Variants in TOX3 observed in about 807,000 individuals in gnomAD.
TOX3 encodes the protein CAG trinucleotide repeat-containing gene F9 protein.
TOX3 carries 22 observed loss-of-function variants against 64.3 expected under a neutral mutation model. The observed-to-expected ratio is 0.34, with a 90% CI of 0.24 to 0.49. The LOEUF is 0.49. TOX3 is among the 20% of genes least tolerant of loss of function. The pLI is 0.99. For synonymous variants in TOX3, 291 were observed against 273.6 expected (o/e 1.06, Z -0.63); for missense variants, 661 against 714.4 (o/e 0.93, Z 0.85).
intron 6 of TOX3, 107 bp downstream of exon 6, chr16:52,444,169 G>A (rs1960090030): frequency 2.6e-6 from 2 of 776,096 alleles, no homozygotes; most frequent in Admixed American, 6.1e-5. Flanking sequence ...TGTTCAAGAT[G>A]CCTTTCCATC....
At chr16:52,485,635 C>T (rs1410961090) in intron 1 of TOX3, among the ~76,000 whole-genome samples, 1 of 151,774 alleles carries the variant, frequency 6.6e-6, no homozygotes, top group Admixed American at 6.6e-5. Context: ...ACATGTACCC[C>T]CTGAATCTAA....
chr16:52,492,746 G>C (rs1267235046), intron 1 of TOX3, among the ~76,000 whole-genome samples: 1 of 150,244 alleles, frequency 6.7e-6, no homozygotes, highest in Non-Finnish European at 1.5e-5. Context: ...GGTGTTATCA[G>C]ATATGACAAG....
intron 1 of TOX3, among the ~76,000 whole-genome samples, chr16:52,523,177 AGAAT>A (rs1040586682): frequency 6.6e-6 from 1 of 152,202 alleles, no homozygotes; most frequent in Non-Finnish European, 1.5e-5. Flanking sequence ...AGACTTGAAG[AGAAT>A]GAACAATTGA....
chr16:52,468,724 G>C (rs1252171113), intron 1 of TOX3, 150 bp from the exon 2 acceptor site: 1 of 596,452 alleles, frequency 1.7e-6, no homozygotes, highest in Non-Finnish European at 3.0e-6. Context: ...TATACTGTCA[G>C]CTGGTTCCCT....
At chr16:52,504,659 T>A (rs1036859901) in intron 1 of TOX3, among the ~76,000 whole-genome samples, 1 of 151,796 alleles carries the variant, frequency 6.6e-6, no homozygotes, top group Non-Finnish European at 1.5e-5. Flanking sequence ...ATGGATGGGG[T>A]AACGGAGGCT....
intron 4 of TOX3, among the ~76,000 whole-genome samples, chr16:52,449,370 A>G (rs1205995747): frequency 6.6e-6 from 1 of 152,092 alleles, no homozygotes; most frequent in Non-Finnish European, 1.5e-5. Context: ...CTAGCCCCCA[A>G]CCAAAATGCT....
At chr16:52,526,303 G>A (rs1390273806) in intron 1 of TOX3, among the ~76,000 whole-genome samples, 4 of 152,178 alleles carry the variant, frequency 2.6e-5, no homozygotes, top group South Asian at 2.1e-4. Flanking sequence ...GAAGCCAGGA[G>A]ATGAGGGCAC....
At chr16:52,497,336 T>C (rs1444082531) in intron 1 of TOX3, among the ~76,000 whole-genome samples, 1 of 152,218 alleles carries the variant, frequency 6.6e-6, no homozygotes, top group Admixed American at 6.5e-5. Flanking sequence ...CATATATCAG[T>C]CTATTATATG....
intron 4 of TOX3, 22 bp downstream of exon 4, chr16:52,450,255 C>G: frequency 6.2e-7 from 1 of 1,613,742 alleles, no homozygotes. Flanking sequence ...GCAGGTTACA[C>G]ACTAAGGCAG....
intron 1 of TOX3, among the ~76,000 whole-genome samples, chr16:52,507,478 A>G (rs1962190011): frequency 1.3e-5 from 2 of 152,258 alleles, no homozygotes; most frequent in South Asian, 4.1e-4. Flanking sequence ...GACTTAAAGA[A>G]TATAAGTTCT....
chr16:52,471,219 G>A (rs1025093912), intron 1 of TOX3, among the ~76,000 whole-genome samples: 1 of 152,056 alleles, frequency 6.6e-6, no homozygotes, highest in Non-Finnish European at 1.5e-5. Flanking sequence ...ATTTTTATTT[G>A]GTAAATCTGG....
intron 1 of TOX3, among the ~76,000 whole-genome samples, chr16:52,546,171 G>T (rs534131729): frequency 5.3e-5 from 8 of 152,062 alleles, no homozygotes; most frequent in Non-Finnish European, 7.4e-5. Flanking sequence ...GTCCGTAAGC[G>T]GCCCCGAGGC....
rs2151494517 is a variant in TOX3 at position 52,546,688 on chromosome 16, G to A, written c.36C>T (p.Asp12=). 1.3e-6 allele frequency: 2 copies of A among 1,542,450 alleles called. No individual in the cohort carries two copies. The highest frequency in any genetic ancestry group is 2.2e-4 in the Middle Eastern group (1 of 4,500). ...ACTGCGCGAAGTCCAGGCTGGCAGG[G>A]TCCCCGGCCGCCGCGGGGTAGAACC... The part of the protein sequence containing the change: ...DVRFYPAAAG[D]PASLDFAQCL... The change falls in exon 1 of 7, where the codon GAC becomes GAT. Residue 12 remains aspartate, a synonymous_variant. Transcript: ENST00000219746.
Position 52,546,886 on chromosome 16 carries a change from C to G in TOX3, c.-163G>C. The G allele has an allele frequency of 1.7e-6, 2 of 1,159,274 alleles. No homozygotes were observed. The highest frequency in any genetic ancestry group is 2.1e-6 in the Non-Finnish European group (2 of 942,034). 71.8% of individuals were successfully genotyped at this position (1,159,274 alleles called of 1,614,324 possible). On this transcript the variant is annotated 5_prime_UTR_variant, in exon 1 of 7. Coordinates refer to ENST00000219746, the MANE Select transcript of TOX3 (RefSeq NM_001080430.4). ...CCCAGAGCCCGAGGAGCTCGGGAGC[C>G]GCGGCCGCCGCACACAAAGGCGCGG...
intron 1 of TOX3, among the ~76,000 whole-genome samples, chr16:52,497,176 G>A (rs904313009): frequency 1.3e-5 from 2 of 152,072 alleles, no homozygotes; most frequent in East Asian, 1.9e-4. Context: ...GCAATACTTC[G>A]GGATCCTCAC....
chr16:52,528,104 C>T (rs917801191), intron 1 of TOX3, among the ~76,000 whole-genome samples: 6 of 152,142 alleles, frequency 3.9e-5, no homozygotes, highest in African/African-American at 7.2e-5. Context: ...CCAGATAGTT[C>T]TGTTAAAATA....
chr16:52,475,110 C>G (rs539267948), intron 1 of TOX3, among the ~76,000 whole-genome samples: 36 of 152,276 alleles, frequency 2.4e-4, no homozygotes, highest in Non-Finnish European at 4.9e-4. Flanking sequence ...ACTCTCTATC[C>G]CTCTTCCCCA....
Position 52,468,517 on chromosome 16 carries a change from C to A in TOX3, c.145G>T (p.Ala49Ser), listed in dbSNP as rs1256877578. The A allele has an allele frequency of 2.5e-6, 4 of 1,612,804 alleles. No individual in the cohort carries two copies. Among genetic ancestry groups the A allele is most frequent in the Non-Finnish European group, 3.4e-6 (4 of 1,179,176 alleles). Residue 49 changes from alanine to serine, a missense_variant, in exon 2 of 7, where the codon GCC (alanine) becomes TCC (serine). By Grantham distance (99) the Ala-to-Ser change is moderately conservative. Around this residue, in one of 3 missense-constraint regions of TOX3, gnomAD observed 259 missense variants for 261.2 expected, o/e 0.99. Coordinates refer to ENST00000219746, the MANE Select transcript of TOX3 (RefSeq NM_001080430.4). ...MAEANNAFFA[A>S]SEQTFHTPSL... ...TTAAGACAGTCACCTACCTCACTGG[C>A]AGCGAAGAACGCATTGTTCGCCTCA...
intron 4 of TOX3, among the ~76,000 whole-genome samples, chr16:52,447,193 T>G (rs1960187897): frequency 6.6e-6 from 1 of 152,202 alleles, no homozygotes; most frequent in Non-Finnish European, 1.5e-5. Context: ...TAAACCTTGT[T>G]TTATTCCCCT....
Sources: allele counts gnomAD v4.1 joint callset (sites outside exome capture counted in the v4.1 genomes callset), GRCh38; gene constraint gnomAD v4.1.1; regional missense constraint gnomAD v4.1.1; transcripts MANE v1.5; gene names NCBI Gene and HGNC (gene_info 2026-07-23, HGNC 2026-07-21).